The following EEF2K variants were observed in gnomAD, a reference collection of about 807,000 sequenced individuals.
EEF2K encodes alternative protein EEF2K.
In EEF2K, 70 loss-of-function variants were observed where a neutral mutation model predicts 93.8. The ratio of observed to expected loss-of-function variants is 0.75; its 90% CI spans 0.62 to 0.91. EEF2K has a LOEUF of 0.91. Among genes scored for constraint, EEF2K ranks in the 40% least tolerant of loss-of-function variants. The pLI, the probability that EEF2K is intolerant of heterozygous loss-of-function variation, is 0.00. For missense variants in EEF2K, 935 were observed against 972.9 expected (o/e 0.96, Z 0.52); for synonymous variants, 376 against 380.8 (o/e 0.99, Z 0.15).
intron 2 of EEF2K, among the ~76,000 whole-genome samples, chr16:22,244,120 T>C (rs564407696): frequency 2.4e-4 from 36 of 151,536 alleles, no homozygotes; most frequent in South Asian, 8.4e-4. Flanking sequence ...TCTCAGCTAC[T>C]TGGGAGGCTG....
At chr16:22,262,716 G>A (rs181399735) in intron 11 of EEF2K, among the ~76,000 whole-genome samples, 44 of 152,198 alleles carry the variant, frequency 2.9e-4, no homozygotes, top group Admixed American at 8.5e-4. Flanking sequence ...ACAGCCCTTC[G>A]ATGTAGGGGC....
chr16:22,248,575 G>A (rs959752346), intron 3 of EEF2K, among the ~76,000 whole-genome samples, 180 bp from the exon 4 acceptor site: 9 of 152,290 alleles, frequency 5.9e-5, no homozygotes, highest in African/African-American at 1.7e-4. Flanking sequence ...GTGTTGGGAC[G>A]TGGGAGGGAG....
At chr16:22,238,242 G>A (rs1249793727) in intron 2 of EEF2K, among the ~76,000 whole-genome samples, 2 of 152,120 alleles carry the variant, frequency 1.3e-5, no homozygotes, top group Non-Finnish European at 2.9e-5. Context: ...AGCAGAGATG[G>A]CGCCACTGCA....
intron 2 of EEF2K, among the ~76,000 whole-genome samples, chr16:22,241,028 A>G (rs1328969708): frequency 6.6e-6 from 1 of 151,982 alleles, no homozygotes; most frequent in Non-Finnish European, 1.5e-5. Context: ...TCAGCCTCCC[A>G]AAGTGCTGGG....
chr16:22,246,602 C>G (rs1194327071), intron 3 of EEF2K, among the ~76,000 whole-genome samples: 2 of 145,314 alleles, frequency 1.4e-5, no homozygotes, highest in Admixed American at 1.4e-4. Flanking sequence ...GAATCTAAAA[C>G]AAAATATATA....
At chr16:22,230,018 T>TGGGTCTCCTCTGGGGTCCG (rs2047100052) in intron 2 of EEF2K, among the ~76,000 whole-genome samples, 1 of 152,174 alleles carries the variant, frequency 6.6e-6, no homozygotes, top group South Asian at 2.1e-4. Flanking sequence ...AATAGCCCCG[T>TGGGTCTCCTCTGGGGTCCG]GGGTCTCCTC....
At chr16:22,279,202 T>C (rs2047669011) in intron 16 of EEF2K, among the ~76,000 whole-genome samples, 2 of 151,810 alleles carry the variant, frequency 1.3e-5, no homozygotes, top group East Asian at 3.9e-4. Context: ...TGTTGTAATA[T>C]ACTGATTTTA....
At chr16:22,242,226 G>A (rs1274669356) in intron 2 of EEF2K, among the ~76,000 whole-genome samples, 2 of 152,106 alleles carry the variant, frequency 1.3e-5, no homozygotes, top group African/African-American at 2.4e-5. Flanking sequence ...TGTGTGTATT[G>A]GAAGGCCCAG....
chr16:22,254,963 CAAG>C (rs2047385656), intron 6 of EEF2K, among the ~76,000 whole-genome samples: 2 of 152,188 alleles, frequency 1.3e-5, no homozygotes, highest in Non-Finnish European at 2.9e-5. Context: ...CCCAGCTACT[CAAG>C]AGGCTGAGGC....
chr16:22,231,329 G>A (rs1567266718), intron 2 of EEF2K, among the ~76,000 whole-genome samples: 1 of 151,514 alleles, frequency 6.6e-6, no homozygotes, highest in Non-Finnish European at 1.5e-5. Context: ...CGTTGGCCAG[G>A]CTGGTCTTGA....
Position 22,274,458 on chromosome 16 carries a change from A to T in EEF2K, c.1889+708A>T, listed in dbSNP as rs12930917. Among the ~76,000 whole-genome samples the T allele has an allele frequency of 1.4e-4, 21 of 152,034 alleles. 1 individual carries two copies. In the East Asian group the frequency reaches 1.9e-3, roughly 14 times the overall value. ...GATTCCCTCTCAAAAAAAAAAAAAA[A>T]AAAGATAAAAGTCATGTGATACGAG... On this transcript the variant is annotated intron_variant, in intron 16 of 17. Transcript: ENST00000263026.
At chr16:22,256,654 C>G (rs1234187870) in intron 6 of EEF2K, 94 bp from the exon 7 acceptor site, 7 of 1,461,800 alleles carry the variant, frequency 4.8e-6, no homozygotes, top group Non-Finnish European at 6.4e-6. Flanking sequence ...GGTCTGAGCC[C>G]AGGCAGGCGA....
At chr16:22,212,232 A>G (rs1173228058) in intron 1 of EEF2K, among the ~76,000 whole-genome samples, 2 of 152,136 alleles carry the variant, frequency 1.3e-5, no homozygotes, top group African/African-American at 4.8e-5. Context: ...CTGCAATGAT[A>G]TTTTTACGAG....
In EEF2K at chr16:22,235,639, A is replaced by C. The variant is rs2047160584; in HGVS notation, c.247-8991A>C. ...CAGCCTCCCAAGTAGCTGGGATTACAGGCATGCACCACCACGCCTGACTAA... is the reference window on the plus strand; with the variant it reads ...CAGCCTCCCAAGTAGCTGGGATTACCGGCATGCACCACCACGCCTGACTAA... On this transcript the variant is annotated intron_variant, in intron 2 of 17. Transcript: ENST00000263026. 3.3e-5 allele frequency among the ~76,000 whole-genome samples: 5 copies of C among 152,156 alleles called. No individual in the cohort carries two copies. In the South Asian group the frequency reaches 1.0e-3, roughly 32 times the overall value.
chr16:22,248,952 A>G (rs1412115764), intron 4 of EEF2K, 137 bp downstream of exon 4: 6 of 712,696 alleles, frequency 8.4e-6, no homozygotes, highest in Non-Finnish European at 1.3e-5. Context: ...GTTATTGTTT[A>G]TTTATTGGTT....
At chr16:22,216,360 C>G (rs988591749) in intron 1 of EEF2K, among the ~76,000 whole-genome samples, 4 of 152,170 alleles carry the variant, frequency 2.6e-5, no homozygotes, top group African/African-American at 9.7e-5. Context: ...AGTGTAGCAC[C>G]TGGTGTGCAG....
At chr16:22,261,372 CAAAA>C (rs571599677) in intron 11 of EEF2K, among the ~76,000 whole-genome samples, 2 of 147,798 alleles carry the variant, frequency 1.4e-5, no homozygotes, top group African/African-American at 2.5e-5. Context: ...GATCTTGTCT[CAAAA>C]AAAAAGAAAA....
intron 15 of EEF2K, among the ~76,000 whole-genome samples, chr16:22,269,616 G>C (rs1254617839): frequency 1.3e-5 from 2 of 151,992 alleles, no homozygotes; most frequent in Admixed American, 6.6e-5. Context: ...TGGCCAGGCT[G>C]GTCTTGAACT....
At chr16:22,272,559 T>C (rs2047593108) in intron 15 of EEF2K, among the ~76,000 whole-genome samples, 1 of 152,122 alleles carries the variant, frequency 6.6e-6, no homozygotes, top group African/African-American at 2.4e-5. Context: ...TAGAGGGAGA[T>C]TGACAGTTAA....
Sources: allele counts gnomAD v4.1 joint callset (sites outside exome capture counted in the v4.1 genomes callset), GRCh38; gene constraint gnomAD v4.1.1; transcripts MANE v1.5; gene names NCBI Gene and HGNC (gene_info 2026-07-23, HGNC 2026-07-21).